The following MYOM1 variants were observed in gnomAD, a reference collection of about 807,000 sequenced individuals.
MYOM1 encodes myomesin 1.
MYOM1 carries 164 observed loss-of-function variants against 205.3 expected under a neutral mutation model. The observed-to-expected ratio is 0.80, with a 90% CI of 0.70 to 0.91. The LOEUF is 0.91. Ranked by LOEUF, MYOM1 falls within the 40% of genes least tolerant of loss-of-function variation. The pLI is 0.00. For missense variants in MYOM1, 2,011 were observed against 2,127.3 expected (o/e 0.95, Z 1.08); for synonymous variants, 772 against 789.4 (o/e 0.98, Z 0.37).
At chr18:3,165,925 C>T (rs572602513) in intron 9 of MYOM1, among the ~76,000 whole-genome samples, 1 of 152,280 alleles carries the variant, frequency 6.6e-6, no homozygotes, top group East Asian at 1.9e-4. Flanking sequence ...CACAGACTGC[C>T]CCAAGTGCTC....
At chr18:3,121,516 T>C (rs558297375) in intron 19 of MYOM1, among the ~76,000 whole-genome samples, 2 of 152,282 alleles carry the variant, frequency 1.3e-5, no homozygotes, top group South Asian at 4.1e-4. Context: ...AATAAAATGG[T>C]AAATATATTG....
intron 12 of MYOM1, among the ~76,000 whole-genome samples, chr18:3,149,937 G>A (rs573452494): frequency 1.3e-5 from 2 of 152,310 alleles, no homozygotes; most frequent in South Asian, 2.1e-4. Flanking sequence ...AGGAGCAAAC[G>A]AAAGTATGAG....
intron 18 of MYOM1, 113 bp downstream of exon 18, chr18:3,129,119 A>G (rs1268028303): frequency 9.8e-6 from 13 of 1,323,324 alleles, no homozygotes; most frequent in South Asian, 4.6e-5. Context: ...AAACACATAC[A>G]ATAAGAATGG....
intron 2 of MYOM1, among the ~76,000 whole-genome samples, chr18:3,207,366 A>G (rs1250889790): frequency 6.6e-6 from 1 of 152,232 alleles, no homozygotes; most frequent in Non-Finnish European, 1.5e-5. Context: ...CCTAGACATT[A>G]TAGTATAAAG....
At position 3,084,039 on chromosome 18, in the gene MYOM1, G is replaced by T. The variant is rs1016441808; in HGVS notation, c.4340-12C>A. On this transcript the variant is annotated splice_polypyrimidine_tract_variant and intron_variant, in intron 31 of 37. Transcript: ENST00000356443. The stretch of plus-strand genomic sequence containing the variant: ...CAGTTCCTTAAAGGCTGTGGAGAGA[G>T]ATTCAGAGCCAAAACTTTAGCATAA... The T allele has an allele frequency of 1.9e-6, 3 of 1,573,576 alleles. No individual in the cohort carries two copies. The highest frequency in any genetic ancestry group is 1.9e-5 in the Admixed American group (1 of 53,582).
rs145695545 is a variant in MYOM1 at position 3,120,563 on chromosome 18, T to C, written c.2992-568A>G. Among the ~76,000 whole-genome samples the C allele has an allele frequency of 2.1e-3, 325 of 152,170 alleles. 4 individuals are homozygous for C. Among genetic ancestry groups the C allele is most frequent in the African/African-American group, 7.6e-3 (317 of 41,536 alleles). ...GAATGTGGCCCAGCTGATAACCGGA[T>C]TGCAGCCCTGTGAGATCCTGAACAG... On this transcript the variant is annotated intron_variant, in intron 19 of 37. Transcript: ENST00000356443.
rs1019099771 is a variant in MYOM1 at position 3,173,412 on chromosome 18, C to T, written c.1174+526G>A. 1.2e-4 allele frequency among the ~76,000 whole-genome samples: 19 copies of T among 152,272 alleles called. No homozygotes were observed. In the East Asian group the frequency reaches 2.7e-3, roughly 22 times the overall value. Reference sequence around the variant, plus strand: ...CACAACAGGTAACAGTGTACAGCCTCACTGACGCTCCGATGAGGTGCCATG... The same window carrying T: ...CACAACAGGTAACAGTGTACAGCCTTACTGACGCTCCGATGAGGTGCCATG... On this transcript the variant is annotated intron_variant, in intron 8 of 37. Transcript: ENST00000356443.
rs143621280 is a variant in MYOM1, at chr18:3,120,560, G to A, written c.2992-565C>T. Among the ~76,000 whole-genome samples, 898 of 152,222 alleles carry A rather than the reference G, an allele frequency of 5.9e-3. 11 individuals are homozygous for A. Among genetic ancestry groups the A allele is most frequent in the African/African-American group, 0.021 (860 of 41,526 alleles). On this transcript the variant is annotated intron_variant, in intron 19 of 37. Transcript: ENST00000356443. ...CATGAATGTGGCCCAGCTGATAACCGGATTGCAGCCCTGTGAGATCCTGAA... is the reference window on the plus strand; with the variant it reads ...CATGAATGTGGCCCAGCTGATAACCAGATTGCAGCCCTGTGAGATCCTGAA...
chr18:3,217,396 G>A (rs1402207069), intron 1 of MYOM1, among the ~76,000 whole-genome samples: 4 of 152,218 alleles, frequency 2.6e-5, no homozygotes, highest in South Asian at 2.1e-4. Flanking sequence ...TGAAAGACAA[G>A]TTGCTATTAA....
intron 22 of MYOM1, among the ~76,000 whole-genome samples, chr18:3,111,948 T>C (rs2079533219): frequency 6.6e-6 from 1 of 152,160 alleles, no homozygotes; most frequent in Non-Finnish European, 1.5e-5. Context: ...TCCCCTATGA[T>C]TGGGAAAATA....
intron 16 of MYOM1, among the ~76,000 whole-genome samples, chr18:3,132,116 G>GTATATATA (rs1567923646): frequency 2.9e-5 from 2 of 68,472 alleles, no homozygotes; most frequent in East Asian, 1.3e-3. Context: ...ATATATGTGT[G>GTATATATA]TGTATATATA....
At chr18:3,186,922 TAAAG>T (rs1420935688) in intron 5 of MYOM1, among the ~76,000 whole-genome samples, 7 of 65,042 alleles carry the variant, frequency 1.1e-4, no homozygotes, top group South Asian at 4.2e-4. Flanking sequence ...AAGAGGAAGA[TAAAG>T]AAAAAGAAAG....
Position 3,215,036 on chromosome 18 carries a change from C to A in MYOM1, c.188G>T (p.Arg63Leu), listed in dbSNP as rs765634061. The change falls in exon 2 of 38, where the codon CGG becomes CTG. Residue 63 changes from arginine to leucine, a missense_variant. Physicochemically the swap from Arg to Leu is moderately radical, Grantham distance 102. Coordinates refer to ENST00000356443, the MANE Select transcript of MYOM1 (RefSeq NM_003803.4). ...AHRRESEAFR[R>L]ASASSSQQQA... ...CTGCTGGGAGGAGGAGGCGGACGCC[C>A]GACGGAAGGCCTCGGACTCCCGGCG... The A allele has an allele frequency of 6.2e-7, 1 of 1,612,620 alleles. No individual in the cohort carries two copies. Among genetic ancestry groups the A allele is most frequent in the East Asian group, 2.2e-5 (1 of 44,826 alleles).
At chr18:3,088,864 T>C (rs1375632910) in intron 29 of MYOM1, among the ~76,000 whole-genome samples, 1 of 152,196 alleles carries the variant, frequency 6.6e-6, no homozygotes, top group Non-Finnish European at 1.5e-5. Context: ...GTCTATGACT[T>C]AGAATACAGA....
intron 6 of MYOM1, 105 bp from the exon 7 acceptor site, chr18:3,174,313 T>C (rs1320361561): frequency 2.2e-5 from 20 of 912,596 alleles, no homozygotes; most frequent in Non-Finnish European, 3.3e-5. Context: ...TGCAAATCAG[T>C]GGCTAACACA....
At chr18:3,091,469 A>C (rs987908925) in intron 26 of MYOM1, among the ~76,000 whole-genome samples, 2 of 151,772 alleles carry the variant, frequency 1.3e-5, no homozygotes, top group African/African-American at 2.4e-5. Context: ...ACAGAAGGAG[A>C]CCATGTCTAA....
chr18:3,222,802 C>G (rs1236318167), upstream of MYOM1, among the ~76,000 whole-genome samples: 1 of 152,136 alleles, frequency 6.6e-6, no homozygotes, highest in Non-Finnish European at 1.5e-5. Flanking sequence ...AGGCTATGCT[C>G]TGTGTGGAAC....
intron 29 of MYOM1, among the ~76,000 whole-genome samples, chr18:3,087,467 A>G (rs2079166899): frequency 6.6e-6 from 1 of 150,536 alleles, no homozygotes; most frequent in African/African-American, 2.4e-5. Flanking sequence ...CCAGTGTGCA[A>G]GCTAGGGTTC....
At chr18:3,184,236 G>T (rs541125727) in intron 5 of MYOM1, among the ~76,000 whole-genome samples, 3 of 152,064 alleles carry the variant, frequency 2.0e-5, no homozygotes, top group Non-Finnish European at 4.4e-5. Context: ...ACATGCCCAG[G>T]AATATATACT....
Sources: allele counts gnomAD v4.1 joint callset (sites outside exome capture counted in the v4.1 genomes callset), GRCh38; gene constraint gnomAD v4.1.1; transcripts MANE v1.5; gene names NCBI Gene and HGNC (gene_info 2026-07-23, HGNC 2026-07-21).